SCARB1: variants seen among roughly 807,000 people sequenced by gnomAD.
SCARB1 encodes the protein scavenger receptor class B member 1, also known as CD36 and LIMPII analogous 1.
SCARB1 carries 30 observed loss-of-function variants against 57.2 expected under a neutral mutation model. The ratio of observed to expected loss-of-function variants is 0.52; its 90% CI spans 0.39 to 0.71. SCARB1 has a LOEUF of 0.71. SCARB1 is among the 30% of genes least tolerant of loss of function. SCARB1 has a pLI of 0.00. For synonymous variants in SCARB1, 249 were observed against 268.3 expected (o/e 0.93, Z 0.70); for missense variants, 543 against 671.2 (o/e 0.81, Z 2.11).
At position 124,828,124 on chromosome 12, in the gene SCARB1, A is replaced by AT. The variant is rs879695201; in HGVS notation, c.127-10418dup. Among the ~76,000 whole-genome samples the AT allele has an allele frequency of 3.1e-3, 461 of 146,786 alleles. 1 individual carries two copies. The highest frequency in any genetic ancestry group is 7.3e-3 in the African/African-American group (293 of 40,142). On this transcript the variant is annotated intron_variant, in intron 1 of 12. Transcript: ENST00000261693. Reference sequence around the variant, plus strand: ...TTAAACAGCTCATACTTAAGAAGGGATTTTTTTTTTTTTAAATACACAGAG... The same window carrying AT: ...TTAAACAGCTCATACTTAAGAAGGGATTTTTTTTTTTTTTAAATACACAGAG...
Position 124,795,212 on chromosome 12 carries a change from T to G in SCARB1, c.1185A>C (p.Lys395Asn). Residue 395 changes from lysine (K) to asparagine (N), a missense_variant, in exon 9 of 13, where the codon AAA becomes AAC. Coordinates refer to ENST00000261693, the MANE Select transcript of SCARB1 (RefSeq NM_005505.5). ...SVKLQLSLYM[K>N]SVAGIGQTGK... ...CCACTCACCCAATGCCTGCGACAGA[T>G]TTCATGTAGAGGCTCAGCTGCAGTT... 6.2e-7 allele frequency: 1 copy of G among 1,613,878 alleles called. No individual in the cohort carries two copies. The highest frequency in any genetic ancestry group is 8.5e-7 in the Non-Finnish European group (1 of 1,179,826).
chr12:124,791,359 C>T lies in SCARB1; in HGVS notation c.1202+3836G>A, dbSNP rs115940426. ...TTGGGACCCCTGACACAGCCACTTA[C>T]GAGCTCTGTGACCTTGGGCGTGCTA... On this transcript the variant is annotated intron_variant, in intron 9 of 12. Transcript: ENST00000261693. 5.5e-3 allele frequency among the ~76,000 whole-genome samples: 842 copies of T among 152,292 alleles called. 10 individuals carry two copies. The highest frequency in any genetic ancestry group is 0.02 in the African/African-American group (816 of 41,552).
chr12:124,816,977 C>T (rs572262967), intron 2 of SCARB1, among the ~76,000 whole-genome samples: 1 of 150,610 alleles, frequency 6.6e-6, no homozygotes, highest in African/African-American at 2.4e-5. Context: ...GGTCCTCTGG[C>T]CCAGATAGGG....
rs71458866 is a variant in SCARB1, at chr12:124,807,466, C to T, written c.1009+295G>A. 0.079 allele frequency among the ~76,000 whole-genome samples: 12,049 copies of T among 152,148 alleles called. 1,184 individuals are homozygous for T. Among genetic ancestry groups the T allele is most frequent in the East Asian group, 0.44 (2,253 of 5,142 alleles). ...CTAGAGCCTCCAGAAGGAACACAGC[C>T]GCCTTGTTCTGAGCGCGGTGAGACC... On this transcript the variant is annotated intron_variant, in intron 7 of 12. Transcript: ENST00000261693. This position sits in a 1 kb window ranked among gnomAD's most constrained non-coding sequence, Gnocchi z 5.3.
chr12:124,806,700 G>A (rs1950336241), intron 7 of SCARB1, among the ~76,000 whole-genome samples: 1 of 152,146 alleles, frequency 6.6e-6, no homozygotes, highest in African/African-American at 2.4e-5. Context: ...TTTGAGACCA[G>A]CCTGGGCAAC....
At chr12:124,779,504 G>T (rs1873008023) in intron 12 of SCARB1, among the ~76,000 whole-genome samples, 1 of 152,150 alleles carries the variant, frequency 6.6e-6, no homozygotes, top group South Asian at 2.1e-4. Context: ...GGCCACCCAG[G>T]GAACGAGTGA....
chr12:124,815,130 G>C lies in SCARB1; in HGVS notation c.285-16C>G. Reference sequence around the variant, plus strand: ...CCTGAACTCCCTGTGGGGGAAGCCAGTGGGTCAGACGCCCCGCCCCGCTGC... The same window carrying C: ...CCTGAACTCCCTGTGGGGGAAGCCACTGGGTCAGACGCCCCGCCCCGCTGC... On this transcript the variant is annotated splice_polypyrimidine_tract_variant and intron_variant, in intron 2 of 12. Transcript: ENST00000261693. 6.2e-7 allele frequency: 1 copy of C among 1,612,516 alleles called. No individual in the cohort carries two copies. Among genetic ancestry groups the C allele is most frequent in the Non-Finnish European group, 8.5e-7 (1 of 1,179,960 alleles).
chr12:124,830,817 AT>A (rs1426067428), intron 1 of SCARB1, among the ~76,000 whole-genome samples: 1 of 151,988 alleles, frequency 6.6e-6, no homozygotes, highest in African/African-American at 2.4e-5. Context: ...AGCAAAAAAA[AT>A]TTTTTCTTTT....
intron 1 of SCARB1, among the ~76,000 whole-genome samples, chr12:124,828,898 T>A (rs933926244): frequency 6.6e-6 from 1 of 152,208 alleles, no homozygotes; most frequent in African/African-American, 2.4e-5. Flanking sequence ...AGCCTAGTTC[T>A]GGGACAAGGC....
intron 1 of SCARB1, among the ~76,000 whole-genome samples, chr12:124,824,553 A>G (rs1361746601): frequency 6.6e-6 from 1 of 152,262 alleles, no homozygotes; most frequent in Non-Finnish European, 1.5e-5. Context: ...CACAATTTCA[A>G]AAAGAAAGAT....
Position 124,821,477 on chromosome 12 carries a change from A to ATCTC in SCARB1, c.127-3774_127-3771dup, listed in dbSNP as rs148511562. 262 of 887,924 alleles carry ATCTC rather than the reference A, an allele frequency of 3.0e-4. No homozygotes were observed. In the African/African-American group the frequency reaches 3.6e-3, roughly 12 times the overall value. The allele number at this position is 887,924 out of a possible 1,614,324, so 55.0% of individuals were successfully genotyped here. A position where few individuals can be genotyped will look rare whatever the true frequency, so the allele number is the denominator to read the frequency against. ...GATCCGGCCGCGTGTCCATGTCTCAATCTCTCTCTCTCTCTCTCTCTCCCC... is the reference window on the plus strand; with the variant it reads ...GATCCGGCCGCGTGTCCATGTCTCAATCTCTCTCTCTCTCTCTCTCTCTCTCCCC... On this transcript the variant is annotated intron_variant, in intron 1 of 12. Transcript: ENST00000261693.
chr12:124,840,075 T>C (rs1014097805), intron 1 of SCARB1: 1 of 1,284,384 alleles, frequency 7.8e-7, no homozygotes, highest in Admixed American at 2.3e-5. Flanking sequence ...GATTTTCTGT[T>C]TTCTCAAGTG....
At chr12:124,795,378 C>A in intron 8 of SCARB1, 110 bp from the exon 9 acceptor site, 1 of 831,196 alleles carries the variant, frequency 1.2e-6, no homozygotes, top group East Asian at 2.5e-5. Context: ...AGCTAACTGC[C>A]CAGTGGAGCT....
At chr12:124,848,587 C>G (rs553200727) in intron 1 of SCARB1, among the ~76,000 whole-genome samples, 3 of 152,332 alleles carry the variant, frequency 2.0e-5, no homozygotes, top group African/African-American at 7.2e-5. Flanking sequence ...GCACATGCAG[C>G]AACTTGTACT....
At chr12:124,829,759 A>G (rs1042696859) in intron 1 of SCARB1, among the ~76,000 whole-genome samples, 5 of 152,150 alleles carry the variant, frequency 3.3e-5, no homozygotes, top group African/African-American at 4.8e-5. Context: ...AACCATCTCT[A>G]TTGAGCCCCA....
intron 1 of SCARB1, among the ~76,000 whole-genome samples, chr12:124,841,884 C>G (rs1951924061): frequency 6.6e-6 from 1 of 152,222 alleles, no homozygotes; most frequent in Admixed American, 6.5e-5. Flanking sequence ...GCCCATCCCT[C>G]CTGCTAAAGC....
rs1471229221 is a variant in SCARB1, at chr12:124,830,976, C to G, written c.127-13269G>C. Among the ~76,000 whole-genome samples the G allele has an allele frequency of 6.4e-5, 6 of 93,980 alleles. No homozygotes were observed. In the Admixed American group the frequency reaches 6.9e-4, roughly 11 times the overall value. The allele number at this position is 93,980 out of a possible 152,430, so 61.7% of individuals were successfully genotyped here. A position where few individuals can be genotyped will look rare whatever the true frequency, so the allele number is the denominator to read the frequency against. ...TACAGGCATACGCCACCATGCCCAG[C>G]TGATTTTTTTTTTTTTTTAGACGGA... On this transcript the variant is annotated intron_variant, in intron 1 of 12. Coordinates refer to ENST00000261693, the MANE Select transcript of SCARB1 (RefSeq NM_005505.5).
At position 124,822,207 on chromosome 12, in the gene SCARB1, C is replaced by T. The variant is rs1358726096; in HGVS notation, c.127-4500G>A. On this transcript the variant is annotated intron_variant, in intron 1 of 12. Transcript: ENST00000261693. The surrounding 1 kb of genome is among the most constrained non-coding windows in gnomAD (Gnocchi z 5.0). Reference sequence around the variant, plus strand: ...GGCTGGGAAGCCTTTAAGAGCGTGACTTGCCTGAATGTTCACCAAAAACAA... The same window carrying T: ...GGCTGGGAAGCCTTTAAGAGCGTGATTTGCCTGAATGTTCACCAAAAACAA... Among the ~76,000 whole-genome samples the T allele has an allele frequency of 6.6e-6, 1 of 152,166 alleles. No homozygotes were observed. Among genetic ancestry groups the T allele is most frequent in the Non-Finnish European group, 1.5e-5 (1 of 68,024 alleles).
Position 124,778,472 on chromosome 12 carries a change from C to T in SCARB1, c.*115G>A. The T allele has an allele frequency of 3.8e-6, 5 of 1,333,068 alleles. No individual in the cohort carries two copies. Among genetic ancestry groups the T allele is most frequent in the Admixed American group, 8.1e-5 (2 of 24,738 alleles). The allele number at this position is 1,333,068 out of a possible 1,614,324, so 82.6% of individuals were successfully genotyped here. ...GCACATGGCAGCTGGGAGGCTCAGGCTGTGGGGCTGGGGGGCTGTCCGCTG... is the reference window on the plus strand; with the variant it reads ...GCACATGGCAGCTGGGAGGCTCAGGTTGTGGGGCTGGGGGGCTGTCCGCTG... On this transcript the variant is annotated 3_prime_UTR_variant, in exon 13 of 13. Coordinates refer to ENST00000261693, the MANE Select transcript of SCARB1 (RefSeq NM_005505.5).
Sources: gnomAD v4.1 joint callset for allele counts (sites outside exome capture counted in the v4.1 genomes callset) on GRCh38, gnomAD v4.1.1 for gene constraint, Gnocchi (gnomAD v3.1) non-coding constraint, MANE v1.5 for transcripts, NCBI Gene and HGNC (gene_info 2026-07-23, HGNC 2026-07-21) for gene names.